Variants in KCNT2 observed in about 807,000 individuals in gnomAD.
The protein encoded by KCNT2 is potassium channel subfamily T member 2.
In KCNT2, 67 loss-of-function variants were observed where a neutral mutation model predicts 153.8. The ratio of observed to expected loss-of-function variants is 0.44; its 90% confidence interval spans 0.36 to 0.53. The LOEUF is 0.53. KCNT2 is among the 20% of genes least tolerant of loss of function. The pLI is 0.00. For synonymous variants in KCNT2, 500 were observed against 458.8 expected (o/e 1.09, Z -1.15); for missense variants, 975 against 1,354.8 (o/e 0.72, Z 4.40).
chr1:196,500,130 T>G, intron 1 of KCNT2, among the ~76,000 whole-genome samples: 1 of 133,296 alleles, frequency 7.5e-6, no homozygotes, highest in Non-Finnish European at 1.6e-5. Context: ...GGTGATAGAG[T>G]GAGACTCCAT....
chr1:196,505,053 T>TGAAC (rs200948487), intron 1 of KCNT2, among the ~76,000 whole-genome samples: 7,294 of 152,188 alleles, frequency 0.048, 492 homozygotes, highest in African/African-American at 0.15. Flanking sequence ...ACTCTGATGG[T>TGAAC]AGTTTCTTTT....
At chr1:196,235,935 T>A in intron 27 of KCNT2, 51 bp downstream of exon 27, 3 of 1,105,786 alleles carry the variant, frequency 2.7e-6, no homozygotes, top group Non-Finnish European at 4.1e-6. Context: ...CAAAAATAAA[T>A]AGTAGTTTTC....
chr1:196,512,054 C>T (rs1262244529), intron 1 of KCNT2, among the ~76,000 whole-genome samples: 1 of 152,074 alleles, frequency 6.6e-6, no homozygotes, highest in African/African-American at 2.4e-5. Context: ...CACTAGTGAC[C>T]TCTACACATA....
At chr1:196,586,965 T>C (rs1183619863) in intron 1 of KCNT2, among the ~76,000 whole-genome samples, 1 of 152,090 alleles carries the variant, frequency 6.6e-6, no homozygotes, top group Non-Finnish European at 1.5e-5. Context: ...TCAATTAGCA[T>C]AATATCATTC....
intron 13 of KCNT2, among the ~76,000 whole-genome samples, chr1:196,379,667 T>C (rs1669310836): frequency 6.6e-6 from 1 of 152,060 alleles, no homozygotes; most frequent in South Asian, 2.1e-4. Context: ...TTATCTTGTA[T>C]TTTCTTCTCA....
At chr1:196,472,691 G>C (rs926747338) in intron 5 of KCNT2, among the ~76,000 whole-genome samples, 1 of 151,952 alleles carries the variant, frequency 6.6e-6, no homozygotes, top group African/African-American at 2.4e-5. Flanking sequence ...CAAAAATCTT[G>C]GAGAAACTTT....
chr1:196,331,443 C>G (rs1664452368), intron 17 of KCNT2, among the ~76,000 whole-genome samples, 182 bp from the exon 18 acceptor site: 1 of 151,908 alleles, frequency 6.6e-6, no homozygotes, highest in African/African-American at 2.4e-5. Context: ...TCAAATATGG[C>G]CCTCCACATG....
intron 1 of KCNT2, among the ~76,000 whole-genome samples, chr1:196,590,992 T>C (rs1663273659): frequency 6.6e-6 from 1 of 152,052 alleles, no homozygotes; most frequent in African/African-American, 2.4e-5. Context: ...CCAGGTATAG[T>C]GGCATGCACC....
chr1:196,447,347 A>C (rs892306962), intron 8 of KCNT2, among the ~76,000 whole-genome samples: 1 of 151,668 alleles, frequency 6.6e-6, no homozygotes, highest in African/African-American at 2.4e-5. Flanking sequence ...GCCAAGACCT[A>C]AAGGAGGCCG....
At chr1:196,504,391 A>G (rs1680955890) in intron 1 of KCNT2, among the ~76,000 whole-genome samples, 1 of 151,992 alleles carries the variant, frequency 6.6e-6, no homozygotes. Flanking sequence ...AATTTCATCC[A>G]TGTCCCTACA....
chr1:196,392,697 T>C (rs1453321442), intron 13 of KCNT2, among the ~76,000 whole-genome samples: 1 of 151,400 alleles, frequency 6.6e-6, no homozygotes, highest in African/African-American at 2.4e-5. Context: ...TAGTACAAAA[T>C]GGATGATGGC....
intron 14 of KCNT2, among the ~76,000 whole-genome samples, chr1:196,352,699 A>T (rs564133993): frequency 1.3e-4 from 20 of 152,064 alleles, no homozygotes; most frequent in African/African-American, 4.6e-4. Context: ...TTGTGCCTCT[A>T]TTTCTGTCAG....
chr1:196,565,120 A>G (rs535684464), intron 1 of KCNT2, among the ~76,000 whole-genome samples: 63 of 143,664 alleles, frequency 4.4e-4, no homozygotes, highest in Admixed American at 2.3e-3. Context: ...AATCAATAGC[A>G]AAAAAAAAAA....
Position 196,505,682 on chromosome 1 carries a change from A to C in KCNT2, c.96-13341T>G, listed in dbSNP as rs1034164582. Reference sequence around the variant, plus strand: ...CTATAAATTACCTTGGGCAGTATGGACATTTTCACGATATTGATTCTTCCT... The same window carrying C: ...CTATAAATTACCTTGGGCAGTATGGCCATTTTCACGATATTGATTCTTCCT... On this transcript the variant is annotated intron_variant, in intron 1 of 27. Transcript: ENST00000294725. Among the ~76,000 whole-genome samples, 13 of 151,962 alleles carry C rather than the reference A, an allele frequency of 8.6e-5. No homozygotes were observed. The East Asian group carries it at 1.2e-3, about 14-fold the overall frequency.
chr1:196,296,700 A>G (rs1660705067), intron 22 of KCNT2, among the ~76,000 whole-genome samples: 1 of 152,094 alleles, frequency 6.6e-6, no homozygotes, highest in Non-Finnish European at 1.5e-5. Context: ...TTCCCAATAT[A>G]ATAAATCAGG....
chr1:196,257,780 A>C (rs886871717), intron 26 of KCNT2: 7 of 984,204 alleles, frequency 7.1e-6, no homozygotes, highest in Non-Finnish European at 7.2e-6. Flanking sequence ...TTTTATAAGA[A>C]CATTTTGGTT....
At chr1:196,437,562 A>AT (rs1271434639) in intron 8 of KCNT2, among the ~76,000 whole-genome samples, 2 of 149,810 alleles carry the variant, frequency 1.3e-5, no homozygotes, top group Non-Finnish European at 3.0e-5. Context: ...ACCATGTTCT[A>AT]TTTATAATTT....
At chr1:196,290,732 T>G (rs544983984) in intron 22 of KCNT2, among the ~76,000 whole-genome samples, 88 of 152,146 alleles carry the variant, frequency 5.8e-4, no homozygotes, top group Admixed American at 2.6e-3. Context: ...TCTCTCTTTG[T>G]TTTTAATCAA....
intron 1 of KCNT2, among the ~76,000 whole-genome samples, chr1:196,522,721 C>T (rs890878942): frequency 3.3e-5 from 5 of 152,162 alleles, no homozygotes; most frequent in Admixed American, 6.5e-5. Context: ...TCTGTAAAAA[C>T]GCAGCAATCA....
Sources: gnomAD v4.1 joint callset for allele counts (sites outside exome capture counted in the v4.1 genomes callset) on GRCh38, gnomAD v4.1.1 for gene constraint, MANE v1.5 for transcripts, NCBI Gene and HGNC (gene_info 2026-07-23, HGNC 2026-07-21) for gene names.